The following AP2A1 variants were observed in gnomAD, a reference collection of about 807,000 sequenced individuals.
The protein encoded by AP2A1 is adaptor related protein complex 2 subunit alpha 1.
A neutral mutation model predicts 107.3 loss-of-function variants in AP2A1; 21 were observed. The ratio of observed to expected loss-of-function variants is 0.20; its 90% CI spans 0.14 to 0.28. The LOEUF is 0.28. Among genes scored for constraint, AP2A1 ranks in the 10% least tolerant of loss-of-function variants. The pLI, the probability that AP2A1 is intolerant of heterozygous loss-of-function variation, is 1.00. For missense variants in AP2A1, 873 were observed against 1,307.7 expected (o/e 0.67, Z 5.13); for synonymous variants, 602 against 564.8 (o/e 1.07, Z -0.93).
Position 49,772,255 on chromosome 19 carries a change from T to TG in AP2A1, c.67+5055_67+5056insG, listed in dbSNP as rs1555791295. 4.7e-3 allele frequency among the ~76,000 whole-genome samples: 554 copies of TG among 117,200 alleles called. 4 individuals carry two copies. The highest frequency in any genetic ancestry group is 9.6e-3 in the African/African-American group (304 of 31,510). The allele number at this position is 117,200 out of a possible 152,430, so 76.9% of individuals were successfully genotyped here. On this transcript the variant is annotated intron_variant, in intron 1 of 22. Coordinates refer to ENST00000354293, the MANE Select transcript of AP2A1 (RefSeq NM_130787.3). ...TTGTATTTTTCATAGAGTTTTTTTT[T>TG]TTTTTTTTTTTTTTTTTTTTTTGAG...
At chr19:49,805,369 G>C in intron 18 of AP2A1, 84 bp from the exon 19 acceptor site, 5 of 1,417,960 alleles carry the variant, frequency 3.5e-6, no homozygotes, top group Non-Finnish European at 4.7e-6. Flanking sequence ...GCAGGCGGGA[G>C]CTGCCGGGAG....
intron 1 of AP2A1, among the ~76,000 whole-genome samples, chr19:49,767,517 C>T (rs1399802974): frequency 6.6e-6 from 1 of 151,896 alleles, no homozygotes; most frequent in African/African-American, 2.4e-5. Flanking sequence ...GGGGATCTTA[C>T]AAACGATGGG....
intron 1 of AP2A1, among the ~76,000 whole-genome samples, chr19:49,775,817 G>A (rs989808221): frequency 3.9e-5 from 6 of 152,216 alleles, no homozygotes; most frequent in African/African-American, 1.4e-4. Flanking sequence ...GGCCTTTGCG[G>A]TGAGATGCTG....
chr19:49,798,659 G>A (rs1229247523), intron 7 of AP2A1, 143 bp from the exon 8 acceptor site: 23 of 1,097,922 alleles, frequency 2.1e-5, no homozygotes, highest in African/African-American at 1.6e-5. Context: ...AGAGACCCTG[G>A]CCCTGAGCTG....
intron 1 of AP2A1, among the ~76,000 whole-genome samples, chr19:49,772,790 G>A (rs1568573343): frequency 6.6e-6 from 1 of 151,852 alleles, no homozygotes; most frequent in East Asian, 1.9e-4. Context: ...GTGAGCCACC[G>A]CGCCCGGCCC....
In AP2A1 at chr19:49,795,683, A is replaced by C; in HGVS notation, c.759A>C (p.Pro253=). 3.3e-6 allele frequency: 5 copies of C among 1,521,278 alleles called. No individual in the cohort carries two copies. Among genetic ancestry groups the C allele is most frequent in the Non-Finnish European group, 4.4e-6 (5 of 1,133,064 alleles). 94.2% of individuals were successfully genotyped at this position (1,521,278 alleles called of 1,614,324 possible). The part of the protein sequence containing the change: ...DLQDYTYYFV[P]APWLSVKLLR... The stretch of plus-strand genomic sequence containing the variant: ...AGGACTACACCTACTACTTCGTCCC[A>C]GCACCCTGGCTCTCGGTGAAGCTCC... The change falls in exon 7 of 23, where the codon CCA becomes CCC. Residue 253 remains proline (P), a synonymous_variant. Coordinates refer to ENST00000354293, the MANE Select transcript of AP2A1 (RefSeq NM_130787.3).
intron 3 of AP2A1, 51 bp downstream of exon 3, chr19:49,782,140 G>A: frequency 7.3e-7 from 1 of 1,374,330 alleles, no homozygotes. Flanking sequence ...GTCTGCGGGG[G>A]AGGGGGCTGG....
chr19:49,767,045 C>G lies in AP2A1; in HGVS notation c.-89C>G. On this transcript the variant is annotated 5_prime_UTR_variant, in exon 1 of 23. Transcript: ENST00000354293. ...GGCCGGCTCGGCTCCTTGGCGCTGC[C>G]TGGGGTCCTTTCCGCCCGGTCCCCG... The G allele has an allele frequency of 1.4e-6, 2 of 1,426,468 alleles. No individual in the cohort carries two copies. The highest frequency in any genetic ancestry group is 1.9e-6 in the Non-Finnish European group (2 of 1,069,278). The allele number at this position is 1,426,468 out of a possible 1,614,324, so 88.4% of individuals were successfully genotyped here. A position where few individuals can be genotyped will look rare whatever the true frequency, so the allele number is the denominator to read the frequency against.
intron 6 of AP2A1, among the ~76,000 whole-genome samples, chr19:49,794,929 C>T (rs546090944): frequency 6.6e-6 from 1 of 152,322 alleles, no homozygotes; most frequent in South Asian, 2.1e-4. Flanking sequence ...TCCCAAAGTG[C>T]TGGGATTACA....
In AP2A1 at chr19:49,806,206, C is replaced by G. The variant is rs1167868405; in HGVS notation, c.2743C>G (p.Leu915Val). 2.5e-6 allele frequency: 4 copies of G among 1,604,560 alleles called. No homozygotes were observed. The African/African-American group carries it at 4.0e-5, about 16-fold the overall frequency. Residue 915 changes from leucine (L) to valine (V), a missense_variant, in exon 22 of 23, where the codon CTG becomes GTG. By Grantham distance (32) the Leu-to-Val change is conservative. Coordinates refer to ENST00000354293, the MANE Select transcript of AP2A1 (RefSeq NM_130787.3). Reference protein sequence around the residue: ...VGAGIIQTKALQVGCLLRLEP... With the variant: ...VGAGIIQTKAVQVGCLLRLEP... ...GGCGGGGATCATCCAGACTAAAGCC[C>G]TGCAGGTGGGCTGTCTGCTTCGGCT...
At chr19:49,776,314 C>T (rs1382921233) in intron 1 of AP2A1, among the ~76,000 whole-genome samples, 3 of 152,146 alleles carry the variant, frequency 2.0e-5, no homozygotes, top group African/African-American at 4.8e-5. Context: ...GCCTGGAGCG[C>T]GCCTCCCCTT....
intron 15 of AP2A1, 137 bp from the exon 16 acceptor site, chr19:49,802,812 C>T (rs1446332792): frequency 8.8e-7 from 1 of 1,133,042 alleles, no homozygotes; most frequent in African/African-American, 1.5e-5. Flanking sequence ...ATGCGAGGTT[C>T]CTCGAGGCTC....
chr19:49,792,910 G>T, intron 5 of AP2A1, 81 bp from the exon 6 acceptor site: 1 of 1,241,594 alleles, frequency 8.1e-7, no homozygotes, highest in South Asian at 1.3e-5. Flanking sequence ...CACACATCCC[G>T]ACCCTGTCCC....
intron 1 of AP2A1, among the ~76,000 whole-genome samples, chr19:49,773,931 G>T (rs1472170949): frequency 1.3e-5 from 2 of 152,188 alleles, no homozygotes; most frequent in Admixed American, 1.3e-4. Context: ...GAGGACAGGA[G>T]AACCGGCCAG....
At position 49,807,056 on chromosome 19, in the gene AP2A1, C is replaced by T. The variant is rs1456964169; in HGVS notation, c.*298C>T. On this transcript the variant is annotated 3_prime_UTR_variant, in exon 23 of 23. Coordinates refer to ENST00000354293, the MANE Select transcript of AP2A1 (RefSeq NM_130787.3). ...CCCACCCTGTTGTAGCCCCTCCTAC[C>T]CCCTCCCCATCCAGGGGCTGTGTAT... 5 of 1,382,418 alleles carry T rather than the reference C, an allele frequency of 3.6e-6. No individual in the cohort carries two copies. Among genetic ancestry groups the T allele is most frequent in the Non-Finnish European group, 2.9e-6 (3 of 1,036,884 alleles). The allele number at this position is 1,382,418 out of a possible 1,614,324, so 85.6% of individuals were successfully genotyped here.
chr19:49,773,662 A>G (rs1475646151), intron 1 of AP2A1, among the ~76,000 whole-genome samples: 2 of 152,206 alleles, frequency 1.3e-5, no homozygotes, highest in Non-Finnish European at 2.9e-5. Context: ...GGGGCCGGAC[A>G]GGTGGGAGTA....
chr19:49,776,019 G>A (rs995432769), intron 1 of AP2A1, among the ~76,000 whole-genome samples: 1 of 152,080 alleles, frequency 6.6e-6, no homozygotes, highest in Non-Finnish European at 1.5e-5. Flanking sequence ...CACTTCCCTT[G>A]ACTCTGCCTT....
At chr19:49,797,838 T>G (rs528055945) in intron 7 of AP2A1, among the ~76,000 whole-genome samples, 4 of 150,562 alleles carry the variant, frequency 2.7e-5, no homozygotes, top group African/African-American at 9.7e-5. Context: ...CCCAGCACTT[T>G]GGGAGGCTGA....
At chr19:49,775,233 A>G (rs1029744039) in intron 1 of AP2A1, among the ~76,000 whole-genome samples, 2 of 152,160 alleles carry the variant, frequency 1.3e-5, no homozygotes, top group Non-Finnish European at 2.9e-5. Flanking sequence ...GTCTCCATAT[A>G]TTTTTTAAAA....
Sources: allele counts gnomAD v4.1 joint callset (sites outside exome capture counted in the v4.1 genomes callset), GRCh38; gene constraint gnomAD v4.1.1; transcripts MANE v1.5; gene names NCBI Gene and HGNC (gene_info 2026-07-23, HGNC 2026-07-21).